The following DCC variants were observed in gnomAD, a reference collection of about 807,000 sequenced individuals.
DCC encodes netrin receptor DCC.
A neutral mutation model predicts 172.5 loss-of-function variants in DCC; 58 were observed. That is an observed-to-expected ratio of 0.34 (90% CI 0.27 to 0.42). The LOEUF (loss-of-function observed/expected upper bound fraction) is 0.42, where lower values mean the gene tolerates loss of function less well. Ranked by LOEUF, DCC falls within the 10% of genes least tolerant of loss-of-function variation. The pLI is 1.00. For missense variants in DCC, 1,740 were observed against 1,791.0 expected (o/e 0.97, Z 0.51); for synonymous variants, 709 against 644.5 (o/e 1.10, Z -1.52).
intron 5 of DCC, among the ~76,000 whole-genome samples, chr18:53,058,657 TG>T (rs1343685853): frequency 6.6e-6 from 1 of 152,176 alleles, no homozygotes; most frequent in African/African-American, 2.4e-5. Context: ...TTTATTTGTC[TG>T]CTGCCTTGCA....
At chr18:52,723,533 A>C (rs750126288) in intron 1 of DCC, among the ~76,000 whole-genome samples, 3 of 152,160 alleles carry the variant, frequency 2.0e-5, no homozygotes, top group Non-Finnish European at 4.4e-5. Context: ...CCTAATTACC[A>C]TTCCCAAAGG....
chr18:53,170,787 T>C (rs2055002269), intron 8 of DCC, among the ~76,000 whole-genome samples: 1 of 152,154 alleles, frequency 6.6e-6, no homozygotes, highest in Admixed American at 6.6e-5. Flanking sequence ...CTCAGAAAGT[T>C]TAATGTGAAG....
rs61387067 is a variant in DCC at position 53,298,527 on chromosome 18, CAAAAAAAAAAAA to C, written c.1912-7032_1912-7021del. ...TGGATGACACAGAGAGACCCTGACT[CAAAAAAAAAAAA>C]AAAAAAAAAAAAAAAAAAGGCTTGC... On this transcript the variant is annotated intron_variant, in intron 12 of 28. Transcript: ENST00000442544. Among the ~76,000 whole-genome samples, 18 of 33,090 alleles carry C rather than the reference CAAAAAAAAAAAA, an allele frequency of 5.4e-4. No individual in the cohort carries two copies. In the South Asian group the frequency reaches 0.023, roughly 43 times the overall value. The allele number at this position is 33,090 out of a possible 152,430, so 21.7% of individuals were successfully genotyped here.
At chr18:52,912,234 A>G (rs1415889585) in intron 3 of DCC, among the ~76,000 whole-genome samples, 1 of 152,080 alleles carries the variant, frequency 6.6e-6, no homozygotes, top group East Asian at 1.9e-4. Flanking sequence ...GTAATACCAC[A>G]TATTTCATAG....
chr18:52,551,024 A>G (rs909888012), intron 1 of DCC, among the ~76,000 whole-genome samples: 1 of 152,046 alleles, frequency 6.6e-6, no homozygotes, highest in African/African-American at 2.4e-5. Flanking sequence ...ATGTATTTGT[A>G]TCTTTGTGAA....
chr18:52,844,907 T>C (rs997237594), intron 2 of DCC, among the ~76,000 whole-genome samples: 1 of 152,234 alleles, frequency 6.6e-6, no homozygotes, highest in African/African-American at 2.4e-5. Context: ...ATTTGTGCTT[T>C]ATAGTCAGTA....
intron 12 of DCC, among the ~76,000 whole-genome samples, chr18:53,290,912 T>C (rs2056995809): frequency 6.6e-6 from 1 of 152,186 alleles, no homozygotes; most frequent in African/African-American, 2.4e-5. Context: ...CTCACACCTG[T>C]AATCCCAGCA....
intron 5 of DCC, among the ~76,000 whole-genome samples, chr18:52,937,200 T>C (rs1245885671): frequency 6.6e-6 from 1 of 152,142 alleles, no homozygotes; most frequent in African/African-American, 2.4e-5. Context: ...TGCAGGCAGG[T>C]AGAATGCAAA....
intron 1 of DCC, among the ~76,000 whole-genome samples, chr18:52,361,523 C>T (rs747993650): frequency 2.6e-5 from 4 of 152,198 alleles, no homozygotes; most frequent in African/African-American, 7.2e-5. Flanking sequence ...AAGAGAGACA[C>T]GTGCTAGGCA....
chr18:53,329,953 T>C (rs1041017068), intron 14 of DCC, among the ~76,000 whole-genome samples: 2 of 152,334 alleles, frequency 1.3e-5, no homozygotes, highest in Middle Eastern at 6.8e-3. Flanking sequence ...CTTCTCAAGC[T>C]GCAGATTAGT....
At chr18:52,673,336 T>C (rs2064034435) in intron 1 of DCC, among the ~76,000 whole-genome samples, 1 of 152,212 alleles carries the variant, frequency 6.6e-6, no homozygotes, top group South Asian at 2.1e-4. Context: ...ATTTGGTTAG[T>C]AATACTTTCT....
chr18:52,759,962 A>G (rs2037133052), intron 2 of DCC, among the ~76,000 whole-genome samples: 2 of 152,226 alleles, frequency 1.3e-5, no homozygotes, highest in Admixed American at 6.5e-5. Context: ...CAGAGAGCAT[A>G]GACAAATGGA....
chr18:53,216,349 T>C (rs1486078360), intron 12 of DCC, among the ~76,000 whole-genome samples: 1 of 152,156 alleles, frequency 6.6e-6, no homozygotes, highest in Admixed American at 6.5e-5. Flanking sequence ...GTACTTCTCA[T>C]GTGAGGAAAT....
chr18:53,361,660 A>C (rs1326134148), intron 15 of DCC, among the ~76,000 whole-genome samples: 1 of 152,180 alleles, frequency 6.6e-6, no homozygotes, highest in Non-Finnish European at 1.5e-5. Context: ...GCAGATACAA[A>C]TTAGAAACAA....
At chr18:52,540,719 G>A (rs2032419167) in intron 1 of DCC, among the ~76,000 whole-genome samples, 1 of 140,218 alleles carries the variant, frequency 7.1e-6, no homozygotes, top group African/African-American at 2.7e-5. Context: ...CCATTCTCCT[G>A]CCTCAGCCTC....
chr18:52,470,881 A>G (rs911576655), intron 1 of DCC, among the ~76,000 whole-genome samples: 9 of 152,188 alleles, frequency 5.9e-5, no homozygotes, highest in Non-Finnish European at 8.8e-5. Flanking sequence ...CAAACACACT[A>G]AACATTAAAG....
intron 2 of DCC, among the ~76,000 whole-genome samples, chr18:52,856,360 T>C (rs2039052442): frequency 1.3e-5 from 2 of 151,146 alleles, no homozygotes; most frequent in Non-Finnish European, 3.0e-5. Context: ...GCGCGGTGGC[T>C]CACGCCTGTA....
At chr18:53,182,083 T>G (rs989482149) in intron 9 of DCC, among the ~76,000 whole-genome samples, 1 of 152,208 alleles carries the variant, frequency 6.6e-6, no homozygotes, top group Non-Finnish European at 1.5e-5. Context: ...TCTATAAGCA[T>G]TTACTTTGCT....
intron 1 of DCC, among the ~76,000 whole-genome samples, chr18:52,684,881 A>G (rs1190102852): frequency 1.3e-5 from 2 of 152,144 alleles, no homozygotes; most frequent in African/African-American, 2.4e-5. Flanking sequence ...ATTTATTTTA[A>G]AAGTTTAAAT....
Sources: allele counts gnomAD v4.1 joint callset (sites outside exome capture counted in the v4.1 genomes callset), GRCh38; gene constraint gnomAD v4.1.1; transcripts MANE v1.5; gene names NCBI Gene and HGNC (gene_info 2026-07-23, HGNC 2026-07-21).